Variants in LPAR1 observed in about 807,000 individuals in gnomAD.
LPAR1 encodes the protein LPA receptor 1.
A neutral mutation model predicts 23.8 loss-of-function variants in LPAR1; 5 were observed. The ratio of observed to expected loss-of-function variants is 0.21; its 90% CI spans 0.11 to 0.44. The LOEUF is 0.44. LPAR1 is among the 20% of genes least tolerant of loss of function. The probability of loss-of-function intolerance (pLI) is 0.99; values close to 1 mark genes in which losing one functional copy is unlikely to be tolerated. For missense variants in LPAR1, 311 were observed against 482.8 expected (o/e 0.64, Z 3.33); for synonymous variants, 160 against 164.7 (o/e 0.97, Z 0.22).
chr9:110,978,364 G>A (rs1180579637), intron 2 of LPAR1, among the ~76,000 whole-genome samples: 2 of 152,180 alleles, frequency 1.3e-5, no homozygotes, highest in Non-Finnish European at 2.9e-5. Flanking sequence ...GGGAAGCTAC[G>A]TGGGTAAAGA....
chr9:110,971,502 A>T (rs926661896), intron 4 of LPAR1, among the ~76,000 whole-genome samples: 5 of 152,150 alleles, frequency 3.3e-5, no homozygotes, highest in African/African-American at 7.2e-5. Flanking sequence ...CTGTAAAATC[A>T]TCTGAACAAA....
intron 4 of LPAR1, among the ~76,000 whole-genome samples, chr9:110,964,126 T>TGTGTC (rs2096107288): frequency 6.6e-6 from 1 of 152,204 alleles, no homozygotes; most frequent in Non-Finnish European, 1.5e-5. Context: ...AAGCCTTCTG[T>TGTGTC]GTGTCTCATT....
At chr9:110,886,721 G>T (rs1436027941) in intron 5 of LPAR1, among the ~76,000 whole-genome samples, 1 of 152,160 alleles carries the variant, frequency 6.6e-6, no homozygotes, top group Non-Finnish European at 1.5e-5. Flanking sequence ...ATAACTCACA[G>T]TTCTCAAAAT....
intron 4 of LPAR1, among the ~76,000 whole-genome samples, chr9:110,957,051 T>G (rs557300560): frequency 5.9e-5 from 9 of 151,974 alleles, no homozygotes; most frequent in Non-Finnish European, 1.3e-4. Context: ...ATCAGCAAAC[T>G]GAATCTAATA....
At chr9:111,035,339 C>T (rs1321525785) in intron 2 of LPAR1, among the ~76,000 whole-genome samples, 4 of 152,006 alleles carry the variant, frequency 2.6e-5, no homozygotes, top group African/African-American at 7.3e-5. Context: ...CTCCCTCCTC[C>T]GCCTCCCAAG....
At chr9:110,939,733 A>C (rs974086779) in intron 5 of LPAR1, among the ~76,000 whole-genome samples, 2 of 152,246 alleles carry the variant, frequency 1.3e-5, no homozygotes, top group Admixed American at 6.5e-5. Flanking sequence ...GGTCAAAATT[A>C]AAACAAGAAC....
intron 2 of LPAR1, among the ~76,000 whole-genome samples, chr9:111,005,125 G>C (rs1050295375): frequency 3.3e-5 from 4 of 122,040 alleles, no homozygotes; most frequent in East Asian, 2.6e-4. Flanking sequence ...TTACAACACT[G>C]TACTCTAGCC....
chr9:110,920,971 A>AT (rs112389775), intron 5 of LPAR1, among the ~76,000 whole-genome samples: 7,473 of 148,616 alleles, frequency 0.05, 265 homozygotes, highest in South Asian at 0.081. Flanking sequence ...ACAACAACAA[A>AT]TTTTTTTTTT....
chr9:110,988,211 T>G (rs1278905469), intron 2 of LPAR1, among the ~76,000 whole-genome samples: 2 of 151,998 alleles, frequency 1.3e-5, no homozygotes, highest in East Asian at 1.9e-4. Flanking sequence ...TAAGCAGACG[T>G]TGGACCATAA....
intron 2 of LPAR1, among the ~76,000 whole-genome samples, chr9:110,991,371 T>C (rs2096888824): frequency 6.6e-6 from 1 of 152,168 alleles, no homozygotes. Context: ...AGTCACTGTA[T>C]TCCTTAAAAG....
At chr9:110,968,621 T>C (rs972262767) in intron 4 of LPAR1, among the ~76,000 whole-genome samples, 1 of 152,222 alleles carries the variant, frequency 6.6e-6, no homozygotes, top group Admixed American at 6.5e-5. Flanking sequence ...CCATACTTCC[T>C]GTATTTGTGC....
At chr9:110,955,566 C>T (rs1217696507) in intron 4 of LPAR1, among the ~76,000 whole-genome samples, 1 of 151,866 alleles carries the variant, frequency 6.6e-6, no homozygotes, top group Admixed American at 6.6e-5. Flanking sequence ...AAAAATGGAC[C>T]TAATAGACAT....
Position 110,896,095 on chromosome 9 carries a change from T to C in LPAR1, c.794-20373A>G, listed in dbSNP as rs139432598. ...ACCAGTAAAGTGCTCGCTTCCAGTT[T>C]AGATCAGAGGGAGAAATGTACTTGC... On this transcript the variant is annotated intron_variant, in intron 5 of 5. Coordinates refer to ENST00000683809, the MANE Select transcript of LPAR1 (RefSeq NM_001351411.2). Among the ~76,000 whole-genome samples, 1,050 of 152,306 alleles carry C rather than the reference T, an allele frequency of 6.9e-3. 22 individuals are homozygous for C. Among genetic ancestry groups the C allele is most frequent in the Non-Finnish European group, 4.4e-3 (299 of 68,038 alleles).
rs1478691035 is a variant in LPAR1 at position 110,875,730 on chromosome 9, GA to G, written c.794-9del. 1.3e-6 allele frequency: 2 copies of G among 1,539,762 alleles called. No homozygotes were observed. Among genetic ancestry groups the G allele is most frequent in the Non-Finnish European group, 1.8e-6 (2 of 1,133,596 alleles). On this transcript the variant is annotated splice_polypyrimidine_tract_variant and intron_variant, in intron 5 of 5. Coordinates refer to ENST00000683809, the MANE Select transcript of LPAR1 (RefSeq NM_001351411.2). ...AGCAGATGATAAAGGCCCCTACAAG[GA>G]CAAGGATAGGGATCAGAAGGATTTT...
At chr9:110,948,075 G>C (rs2095446945) in intron 4 of LPAR1, among the ~76,000 whole-genome samples, 1 of 152,176 alleles carries the variant, frequency 6.6e-6, no homozygotes, top group Non-Finnish European at 1.5e-5. Flanking sequence ...TTCCAAAACT[G>C]TTCTGAATCT....
At chr9:110,909,510 C>T (rs1052914155) in intron 5 of LPAR1, among the ~76,000 whole-genome samples, 5 of 152,272 alleles carry the variant, frequency 3.3e-5, no homozygotes, top group African/African-American at 1.2e-4. Flanking sequence ...ACAGGCACAG[C>T]TCATTTCACT....
At chr9:110,999,417 A>G (rs981138962) in intron 2 of LPAR1, 1 of 456,086 alleles carries the variant, frequency 2.2e-6, no homozygotes, top group Non-Finnish European at 4.4e-6. Flanking sequence ...CACTGGAATG[A>G]GCAGGAATGA....
At chr9:110,926,493 T>C (rs1455670150) in intron 5 of LPAR1, among the ~76,000 whole-genome samples, 1 of 152,224 alleles carries the variant, frequency 6.6e-6, no homozygotes, top group African/African-American at 2.4e-5. Context: ...CATTCTTAGA[T>C]ACCCCATAAT....
At chr9:110,991,856 G>A (rs1283046742) in intron 2 of LPAR1, among the ~76,000 whole-genome samples, 1 of 152,090 alleles carries the variant, frequency 6.6e-6, no homozygotes, top group Non-Finnish European at 1.5e-5. Flanking sequence ...GCCTCCCAAA[G>A]TGCTGGGATT....
Sources: allele counts gnomAD v4.1 joint callset (sites outside exome capture counted in the v4.1 genomes callset), GRCh38; gene constraint gnomAD v4.1.1; transcripts MANE v1.5; gene names NCBI Gene and HGNC (gene_info 2026-07-23, HGNC 2026-07-21).